Variants in GALNT13 observed in about 807,000 individuals in gnomAD.
The protein encoded by GALNT13 is polypeptide N-acetylgalactosaminyltransferase 13, also known as UDP-GalNAc:polypeptide N-acetylgalactosaminyltransferase 13.
Under a neutral mutation model 64.2 loss-of-function variants are expected in GALNT13, and 28 were observed. The ratio of observed to expected loss-of-function variants is 0.44; its 90% CI spans 0.32 to 0.60. The LOEUF (loss-of-function observed/expected upper bound fraction) is 0.60, where lower values mean the gene tolerates loss of function less well. GALNT13 is among the 20% of genes least tolerant of loss of function. GALNT13 has a pLI of 0.05. For synonymous variants in GALNT13, 214 were observed against 224.6 expected (o/e 0.95, Z 0.42); for missense variants, 577 against 669.8 (o/e 0.86, Z 1.53).
rs550431968 is a variant in GALNT13 at position 154,213,614 on chromosome 2, G to GAA, written c.312-28405_312-28404dup. Among the ~76,000 whole-genome samples the GAA allele has an allele frequency of 6.2e-3, 860 of 137,654 alleles. 9 individuals are homozygous for GAA. The highest frequency in any genetic ancestry group is 0.021 in the African/African-American group (774 of 37,616). The allele number at this position is 137,654 out of a possible 152,430, so 90.3% of individuals were successfully genotyped here. A position where few individuals can be genotyped will look rare whatever the true frequency, so the allele number is the denominator to read the frequency against. ...CAGAAGAGAATCCTGCTTAGAGAGT[G>GAA]AAAAAAAAAAAACGGAATAGACACA... On this transcript the variant is annotated intron_variant, in intron 4 of 12. Transcript: ENST00000392825.
chr2:154,237,097 A>T (rs113073357), intron 4 of GALNT13, among the ~76,000 whole-genome samples: 3,548 of 152,046 alleles, frequency 0.023, 121 homozygotes, highest in African/African-American at 0.073. Flanking sequence ...TACTACTTTA[A>T]TATAGTACTG....
At chr2:153,613,347 TATA>T in the GALNT13 span, among the ~76,000 whole-genome samples, 1 of 152,142 alleles carries the variant, frequency 6.6e-6, no homozygotes, top group African/African-American at 2.4e-5. Context: ...TGTAAGTTAA[TATA>T]ATAATTACTC....
rs561660077 is a variant in GALNT13 at position 154,003,390 on chromosome 2, C to G, written c.142+58751C>G. On this transcript the variant is annotated intron_variant, in intron 3 of 12. Coordinates refer to ENST00000392825, the MANE Select transcript of GALNT13 (RefSeq NM_052917.4). ...GTTATGCCTGCTTGGGAGACGTGGGCGTTTACCAGCTGTGGCTTCTGTCAT... is the reference window on the plus strand; with the variant it reads ...GTTATGCCTGCTTGGGAGACGTGGGGGTTTACCAGCTGTGGCTTCTGTCAT... Among the ~76,000 whole-genome samples the G allele has an allele frequency of 1.2e-4, 19 of 152,072 alleles. 1 individual carries two copies. The highest frequency in any genetic ancestry group is 1.2e-3 in the Admixed American group (19 of 15,272).
At chr2:153,178,923 A>T in the GALNT13 span, among the ~76,000 whole-genome samples, 37 of 149,522 alleles carry the variant, frequency 2.5e-4, no homozygotes, top group African/African-American at 8.9e-4. Context: ...TTTTTTTTTT[A>T]GTAGAGATGG....
the GALNT13 span, among the ~76,000 whole-genome samples, chr2:153,545,574 G>A: frequency 6.6e-6 from 1 of 152,194 alleles, no homozygotes; most frequent in Non-Finnish European, 1.5e-5. Context: ...AGCAGGTCTA[G>A]GATGTATGCA....
At chr2:153,714,059 A>G in the GALNT13 span, among the ~76,000 whole-genome samples, 6 of 152,190 alleles carry the variant, frequency 3.9e-5, no homozygotes, top group Non-Finnish European at 8.8e-5. Context: ...AGATGATACC[A>G]GTGTTGTACT....
At chr2:153,492,727 C>T in the GALNT13 span, among the ~76,000 whole-genome samples, 15 of 152,040 alleles carry the variant, frequency 9.9e-5, no homozygotes, top group Admixed American at 2.0e-4. Flanking sequence ...GGAATGCTAC[C>T]CTCAGCAATT....
the GALNT13 span, among the ~76,000 whole-genome samples, chr2:153,071,104 C>G: frequency 2.0e-5 from 3 of 152,080 alleles, no homozygotes; most frequent in African/African-American, 7.2e-5. Context: ...GAAGAAAAAA[C>G]AATTTCTTCC....
intron 2 of GALNT13, among the ~76,000 whole-genome samples, chr2:153,938,458 A>C (rs891796539): frequency 1.3e-5 from 2 of 152,164 alleles, no homozygotes; most frequent in African/African-American, 4.8e-5. Flanking sequence ...CATAGATTTA[A>C]AATGAGAAGT....
Position 154,159,436 on chromosome 2 carries a change from A to AT in GALNT13, c.311+18933dup. Among the ~76,000 whole-genome samples the AT allele has an allele frequency of 2.6e-5, 4 of 152,238 alleles. No homozygotes were observed. In the Middle Eastern group the frequency reaches 0.01, roughly 391 times the overall value. ...AGGCATGAGACACCGTGCCTGGCCA[A>AT]TTGCAGAGGTCTTTCTAGGGGACTT... On this transcript the variant is annotated intron_variant, in intron 4 of 12. Transcript: ENST00000392825.
At position 153,885,479 on chromosome 2, in the gene GALNT13, TA is replaced by T. The variant is rs540497631; in HGVS notation, c.-177+13181del. ...AGCTTAATGGTTTTTTTTGCTGATG[TA>T]AAAATGCACATTACAAGATGATTGT... On this transcript the variant is annotated intron_variant, in intron 1 of 12. Coordinates refer to ENST00000392825, the MANE Select transcript of GALNT13 (RefSeq NM_052917.4). Among the ~76,000 whole-genome samples, 21 of 152,186 alleles carry T rather than the reference TA, an allele frequency of 1.4e-4. No homozygotes were observed. The South Asian group carries it at 4.1e-3, about 30-fold the overall frequency.
At chr2:154,333,756 G>C (rs1188875105) in intron 9 of GALNT13, among the ~76,000 whole-genome samples, 1 of 151,990 alleles carries the variant, frequency 6.6e-6, no homozygotes, top group African/African-American at 2.4e-5. Flanking sequence ...AAGGGAGTTG[G>C]CAGCTTATCC....
the GALNT13 span, among the ~76,000 whole-genome samples, chr2:153,780,240 T>TATGC: frequency 0.059 from 1,130 of 19,030 alleles, 27 homozygotes; most frequent in Non-Finnish European, 0.27. Flanking sequence ...TATATATATA[T>TATGC]ATATATATAT....
the GALNT13 span, among the ~76,000 whole-genome samples, chr2:153,196,806 C>A: frequency 6.6e-6 from 1 of 152,112 alleles, no homozygotes; most frequent in Non-Finnish European, 1.5e-5. Flanking sequence ...CTAGCTCCTG[C>A]CGGCTCCATG....
intron 3 of GALNT13, among the ~76,000 whole-genome samples, chr2:154,073,385 C>T (rs140627328): frequency 8.2e-4 from 124 of 151,916 alleles, no homozygotes; most frequent in South Asian, 1.9e-3. Context: ...GTGAGTCATT[C>T]GAATAAAACA....
the GALNT13 span, among the ~76,000 whole-genome samples, chr2:153,857,371 C>T: frequency 6.6e-6 from 1 of 152,024 alleles, no homozygotes; most frequent in Non-Finnish European, 1.5e-5. Flanking sequence ...TACTTCAAGA[C>T]ATAAGTTAAT....
the GALNT13 span, among the ~76,000 whole-genome samples, chr2:153,426,935 TTTG>T: frequency 3.3e-5 from 5 of 152,164 alleles, no homozygotes; most frequent in South Asian, 4.1e-4. Flanking sequence ...ATTGGAAATT[TTTG>T]TTTTCACACA....
At chr2:153,742,067 T>A in the GALNT13 span, among the ~76,000 whole-genome samples, 42 of 152,098 alleles carry the variant, frequency 2.8e-4, no homozygotes, top group African/African-American at 8.4e-4. Flanking sequence ...CAATGGATTT[T>A]AAAAAAAATT....
chr2:153,251,671 C>G, the GALNT13 span, among the ~76,000 whole-genome samples: 11 of 138,174 alleles, frequency 8.0e-5, no homozygotes, highest in South Asian at 2.4e-4. Flanking sequence ...CTTCCTGGGT[C>G]CATGTGTTCT....
Sources: gnomAD v4.1 joint callset for allele counts (sites outside exome capture counted in the v4.1 genomes callset) on GRCh38, gnomAD v4.1.1 for gene constraint, MANE v1.5 for transcripts, NCBI Gene and HGNC (gene_info 2026-07-23, HGNC 2026-07-21) for gene names.